The following LINGO2 variants were observed in gnomAD, a reference collection of about 807,000 sequenced individuals.
LINGO2 encodes the protein leucine rich repeat and Ig domain containing 2.
Under a neutral mutation model 30.6 loss-of-function variants are expected in LINGO2, and 14 were observed. The ratio of observed to expected loss-of-function variants is 0.46; its 90% CI spans 0.30 to 0.72. LINGO2 has a LOEUF of 0.72. Among genes scored for constraint, LINGO2 ranks in the 30% least tolerant of loss-of-function variants. The probability of loss-of-function intolerance (pLI) is 0.07; values close to 1 mark genes in which losing one functional copy is unlikely to be tolerated. For synonymous variants in LINGO2, 317 were observed against 288.5 expected (o/e 1.10, Z -1.00); for missense variants, 729 against 751.7 (o/e 0.97, Z 0.35).
the LINGO2 span, among the ~76,000 whole-genome samples, chr9:29,123,262 T>TC: frequency 2.0e-5 from 3 of 151,966 alleles, no homozygotes; most frequent in African/African-American, 7.2e-5. Flanking sequence ...CCCCGAGACA[T>TC]CCCAGCAAGA....
chr9:29,101,285 A>G, the LINGO2 span, among the ~76,000 whole-genome samples: 7 of 152,212 alleles, frequency 4.6e-5, no homozygotes, highest in African/African-American at 1.7e-4. Flanking sequence ...AGAAACTACA[A>G]CCTATATTAC....
intron 1 of LINGO2, among the ~76,000 whole-genome samples, chr9:28,629,921 C>A (rs185600692): frequency 3.7e-4 from 55 of 148,914 alleles, no homozygotes; most frequent in Admixed American, 6.4e-4. Flanking sequence ...ATCCCTCCCC[C>A]ATCCCCCGAC....
At chr9:29,001,921 C>T in the LINGO2 span, among the ~76,000 whole-genome samples, 18 of 152,136 alleles carry the variant, frequency 1.2e-4, no homozygotes, top group African/African-American at 4.3e-4. Context: ...TGAGGATAAA[C>T]ACCCACCTGC....
chr9:28,565,500 TA>T (rs894123307), intron 1 of LINGO2, among the ~76,000 whole-genome samples: 1 of 146,546 alleles, frequency 6.8e-6, no homozygotes, highest in African/African-American at 2.5e-5. Flanking sequence ...AAATTATTTT[TA>T]TTTTTTTTTT....
chr9:28,089,308 G>C (rs971786505), intron 4 of LINGO2, among the ~76,000 whole-genome samples: 5 of 152,048 alleles, frequency 3.3e-5, no homozygotes, highest in African/African-American at 1.2e-4. Context: ...TGACCACACA[G>C]TTGGAAGTAA....
chr9:28,518,524 C>T (rs1820713466), intron 1 of LINGO2, among the ~76,000 whole-genome samples: 1 of 152,030 alleles, frequency 6.6e-6, no homozygotes, highest in Non-Finnish European at 1.5e-5. Flanking sequence ...CTTTTTCTTC[C>T]TTAAAACAGG....
At chr9:28,236,534 A>G (rs1821572035) in intron 4 of LINGO2, among the ~76,000 whole-genome samples, 1 of 152,222 alleles carries the variant, frequency 6.6e-6, no homozygotes, top group African/African-American at 2.4e-5. Flanking sequence ...AGACATAGAC[A>G]GTACATATTC....
chr9:27,946,046 G>A (rs1417071554), downstream of LINGO2, among the ~76,000 whole-genome samples: 1 of 151,042 alleles, frequency 6.6e-6, no homozygotes, highest in African/African-American at 2.5e-5. Flanking sequence ...TACGTCACAA[G>A]AGTATTACTC....
At chr9:28,931,243 A>T in the LINGO2 span, among the ~76,000 whole-genome samples, 1 of 152,182 alleles carries the variant, frequency 6.6e-6, no homozygotes, top group Non-Finnish European at 1.5e-5. Flanking sequence ...GAGTACGTGA[A>T]AACCCTAAAC....
chr9:28,543,663 C>T (rs1821805287), intron 1 of LINGO2, among the ~76,000 whole-genome samples: 1 of 152,032 alleles, frequency 6.6e-6, no homozygotes, highest in African/African-American at 2.4e-5. Context: ...GGTCTACATG[C>T]TTTTTAAATA....
In LINGO2 at chr9:28,572,567, G is replaced by A. The variant is rs999115386; in HGVS notation, c.-364-96542C>T. 2.0e-5 allele frequency among the ~76,000 whole-genome samples: 3 copies of A among 152,106 alleles called. No individual in the cohort carries two copies. In the East Asian group the frequency reaches 5.8e-4, roughly 29 times the overall value. On this transcript the variant is annotated intron_variant, in intron 1 of 5. Transcript: ENST00000379992. ...CTAAAGCACAAGCAATTGGTGTGAT[G>A]ACCTCAATAAGTTATATAAAATCCA...
chr9:28,287,821 C>A (rs913785326), intron 4 of LINGO2, among the ~76,000 whole-genome samples: 1 of 152,050 alleles, frequency 6.6e-6, no homozygotes, highest in Admixed American at 6.6e-5. Context: ...TGCATATGTG[C>A]ACTGCTGTGA....
At chr9:28,808,285 T>C in the LINGO2 span, among the ~76,000 whole-genome samples, 2 of 152,230 alleles carry the variant, frequency 1.3e-5, no homozygotes, top group African/African-American at 4.8e-5. Context: ...GTGTACCTTG[T>C]TACAAAGAGA....
intron 1 of LINGO2, among the ~76,000 whole-genome samples, chr9:28,530,237 T>C (rs1821179602): frequency 6.6e-6 from 1 of 152,056 alleles, no homozygotes; most frequent in South Asian, 2.1e-4. Flanking sequence ...GTGATGATGA[T>C]GACAACGAAG....
At chr9:28,751,942 G>A in the LINGO2 span, among the ~76,000 whole-genome samples, 1 of 151,942 alleles carries the variant, frequency 6.6e-6, no homozygotes, top group African/African-American at 2.4e-5. Context: ...CATTTCCTTT[G>A]TTACCATCCA....
intron 3 of LINGO2, among the ~76,000 whole-genome samples, chr9:28,298,943 C>A (rs1030730144): frequency 3.9e-5 from 6 of 152,174 alleles, no homozygotes; most frequent in Non-Finnish European, 5.9e-5. Flanking sequence ...TGGCCTGGCC[C>A]TAAGTGCCAG....
the LINGO2 span, among the ~76,000 whole-genome samples, chr9:29,144,061 T>G: frequency 1.3e-5 from 2 of 152,096 alleles, no homozygotes; most frequent in African/African-American, 2.4e-5. Context: ...TCAGATTCGT[T>G]TAATAGCAGA....
intron 4 of LINGO2, among the ~76,000 whole-genome samples, chr9:28,079,408 T>C (rs911716259): frequency 3.9e-5 from 6 of 152,134 alleles, no homozygotes; most frequent in African/African-American, 1.4e-4. Context: ...GAGCCGTTCG[T>C]TTTTATTTCA....
the LINGO2 span, among the ~76,000 whole-genome samples, chr9:29,176,654 G>A: frequency 1.3e-5 from 2 of 152,148 alleles, no homozygotes; most frequent in South Asian, 2.1e-4. Flanking sequence ...TAGCATCTAA[G>A]AAAGAAGTAA....
Sources: allele counts gnomAD v4.1 joint callset (sites outside exome capture counted in the v4.1 genomes callset), GRCh38; gene constraint gnomAD v4.1.1; transcripts MANE v1.5; gene names NCBI Gene and HGNC (gene_info 2026-07-23, HGNC 2026-07-21).